The following DLGAP1 variants were observed in gnomAD, a reference collection of about 807,000 sequenced individuals.
DLGAP1 encodes DLG associated protein 1.
DLGAP1 carries 11 observed loss-of-function variants against 90.8 expected under a neutral mutation model. That is an observed-to-expected ratio of 0.12 (90% CI 0.08 to 0.20). The LOEUF is 0.20. Among genes scored for constraint, DLGAP1 ranks in the 10% least tolerant of loss-of-function variants. The probability of loss-of-function intolerance (pLI) is 1.00; values close to 1 mark genes in which losing one functional copy is unlikely to be tolerated. For missense variants in DLGAP1, 1,050 were observed against 1,333.8 expected (o/e 0.79, Z 3.31); for synonymous variants, 558 against 540.7 (o/e 1.03, Z -0.44).
At chr18:4,200,130 G>T (rs923620337) in intron 1 of DLGAP1, among the ~76,000 whole-genome samples, 1 of 151,896 alleles carries the variant, frequency 6.6e-6, no homozygotes, top group Admixed American at 6.6e-5. Flanking sequence ...TTCAGTATTC[G>T]TATGTTTGTA....
At chr18:4,223,647 G>T (rs1204536005) in intron 1 of DLGAP1, among the ~76,000 whole-genome samples, 1 of 152,174 alleles carries the variant, frequency 6.6e-6, no homozygotes, top group East Asian at 1.9e-4. Context: ...ATGGTCACCA[G>T]ATATGTAAAG....
intron 2 of DLGAP1, among the ~76,000 whole-genome samples, chr18:4,045,973 C>A (rs1221077715): frequency 6.6e-6 from 1 of 152,056 alleles, no homozygotes; most frequent in African/African-American, 2.4e-5. Flanking sequence ...AAAAACCAGA[C>A]ACTACTTTAA....
chr18:3,662,770 T>C (rs777851929), intron 7 of DLGAP1, among the ~76,000 whole-genome samples: 17 of 152,264 alleles, frequency 1.1e-4, no homozygotes, highest in Non-Finnish European at 2.1e-4. Context: ...AGACTTGCTA[T>C]GGTAATGCCT....
At chr18:4,083,250 A>C (rs568854649) in intron 2 of DLGAP1, among the ~76,000 whole-genome samples, 26 of 152,272 alleles carry the variant, frequency 1.7e-4, no homozygotes, top group African/African-American at 6.3e-4. Flanking sequence ...TTTTTGACCA[A>C]ATGACTTTAA....
chr18:4,272,697 T>C (rs1193083427), intron 1 of DLGAP1, among the ~76,000 whole-genome samples: 2 of 152,200 alleles, frequency 1.3e-5, no homozygotes, highest in African/African-American at 4.8e-5. Context: ...GCCCTAACTC[T>C]TCTACGGGAA....
intron 2 of DLGAP1, among the ~76,000 whole-genome samples, chr18:4,063,262 T>C (rs566712803): frequency 6.6e-6 from 1 of 152,116 alleles, no homozygotes; most frequent in Non-Finnish European, 1.5e-5. Flanking sequence ...ATATTCAATA[T>C]TGGAGTTTAC....
chr18:4,091,580 T>C (rs564753671), intron 2 of DLGAP1, among the ~76,000 whole-genome samples: 1 of 152,380 alleles, frequency 6.6e-6, no homozygotes, highest in African/African-American at 2.4e-5. Context: ...TTTACTCTTT[T>C]CTTTCAGGTG....
chr18:3,631,617 T>A (rs983958256), intron 7 of DLGAP1, among the ~76,000 whole-genome samples: 2 of 151,898 alleles, frequency 1.3e-5, no homozygotes, highest in African/African-American at 4.8e-5. Flanking sequence ...CATGGTGGCG[T>A]GTGCCTATAG....
intron 8 of DLGAP1, chr18:3,580,027 T>C (rs1002620930): frequency 6.4e-5 from 41 of 636,840 alleles, no homozygotes; most frequent in Middle Eastern, 8.5e-4. Flanking sequence ...TTTCTAAAAA[T>C]AGAAATGTGC....
At chr18:4,306,424 AGAGTGTGTGTGT>A (rs1436590252) in intron 1 of DLGAP1, among the ~76,000 whole-genome samples, 1 of 73,770 alleles carries the variant, frequency 1.4e-5, no homozygotes, top group Non-Finnish European at 2.9e-5. Flanking sequence ...AGAGAAAGTA[AGAGTGTGTGTGT>A]GTGTGTGTGT....
At chr18:4,042,785 T>C (rs1463947870) in intron 2 of DLGAP1, among the ~76,000 whole-genome samples, 1 of 152,208 alleles carries the variant, frequency 6.6e-6, no homozygotes, top group Non-Finnish European at 1.5e-5. Flanking sequence ...AATAAAATTA[T>C]GGTTCATAGC....
chr18:4,346,200 A>G (rs1392376967), intron 1 of DLGAP1, among the ~76,000 whole-genome samples: 1 of 152,204 alleles, frequency 6.6e-6, no homozygotes, highest in African/African-American at 2.4e-5. Context: ...TAGCTTAGTC[A>G]TCAAGAGTAT....
intron 7 of DLGAP1, among the ~76,000 whole-genome samples, chr18:3,659,668 C>T (rs1030076937): frequency 7.9e-5 from 12 of 151,856 alleles, no homozygotes; most frequent in Admixed American, 5.3e-4. Context: ...CAGCTTCAAG[C>T]GATTCTCCTA....
chr18:4,324,698 G>A (rs2143646771), intron 1 of DLGAP1, among the ~76,000 whole-genome samples: 1 of 126,368 alleles, frequency 7.9e-6, no homozygotes, highest in South Asian at 2.4e-4. Context: ...CCCCTGGGAA[G>A]CAAGGTTGGT....
chr18:3,802,194 A>G (rs997945821), intron 5 of DLGAP1, among the ~76,000 whole-genome samples: 2 of 152,024 alleles, frequency 1.3e-5, no homozygotes, highest in Non-Finnish European at 2.9e-5. Flanking sequence ...CATATTGGCC[A>G]GGCTGGTCTT....
intron 1 of DLGAP1, among the ~76,000 whole-genome samples, chr18:4,165,082 AAAT>A (rs2076910752): frequency 6.6e-6 from 1 of 152,202 alleles, no homozygotes; most frequent in Non-Finnish European, 1.5e-5. Context: ...ATATTCAAGG[AAAT>A]AATGATTGAA....
At chr18:3,861,135 ATTGT>A (rs1235475900) in intron 4 of DLGAP1, among the ~76,000 whole-genome samples, 4 of 152,190 alleles carry the variant, frequency 2.6e-5, no homozygotes, top group African/African-American at 9.7e-5. Context: ...GAAGATCTTC[ATTGT>A]TTGTTACTTG....
At position 4,333,976 on chromosome 18, in the gene DLGAP1, C is replaced by T. The variant is rs1045230344; in HGVS notation, c.-267+121030G>A. ...ACCTCAGGCCAGGTGCGGTGGCTCACGCCTGTAATCCCAGCACTTTGGGAG... is the reference window on the plus strand; with the variant it reads ...ACCTCAGGCCAGGTGCGGTGGCTCATGCCTGTAATCCCAGCACTTTGGGAG... On this transcript the variant is annotated intron_variant, in intron 1 of 12. Transcript: ENST00000315677. 1.6e-4 allele frequency among the ~76,000 whole-genome samples: 24 copies of T among 151,550 alleles called. 1 individual carries two copies. The highest frequency in any genetic ancestry group is 2.5e-4 in the Non-Finnish European group (17 of 67,926).
intron 10 of DLGAP1, among the ~76,000 whole-genome samples, chr18:3,527,915 A>C (rs565565405): frequency 1.3e-5 from 2 of 152,118 alleles, no homozygotes; most frequent in South Asian, 2.1e-4. Flanking sequence ...AATTGTGATA[A>C]AATAGACATA....
Sources: allele counts gnomAD v4.1 joint callset (sites outside exome capture counted in the v4.1 genomes callset), GRCh38; gene constraint gnomAD v4.1.1; transcripts MANE v1.5; gene names NCBI Gene and HGNC (gene_info 2026-07-23, HGNC 2026-07-21).